SLC25A30: variants seen among roughly 807,000 people sequenced by gnomAD.
The protein encoded by SLC25A30 is kidney mitochondrial carrier protein 1.
In SLC25A30, 29 loss-of-function variants were observed where a neutral mutation model predicts 42.7. That is an observed-to-expected ratio of 0.68 (90% CI 0.51 to 0.93). The LOEUF (loss-of-function observed/expected upper bound fraction) is 0.93. Among genes scored for constraint, SLC25A30 ranks in the 40% least tolerant of loss-of-function variants. The pLI, the probability that SLC25A30 is intolerant of heterozygous loss-of-function variation, is 0.00. For missense variants in SLC25A30, 300 were observed against 359.7 expected (o/e 0.83, Z 1.34); for synonymous variants, 124 against 131.0 (o/e 0.95, Z 0.37).
At chr13:45,425,846 G>A in the SLC25A30 span, among the ~76,000 whole-genome samples, 584 of 145,344 alleles carry the variant, frequency 4.0e-3, 3 homozygotes, top group South Asian at 0.02. Context: ...GTGCCCGCCA[G>A]CATGCCCAGG....
chr13:45,400,017 TATATATATATATATATACACACAC>T (rs1881777715), intron 7 of SLC25A30, among the ~76,000 whole-genome samples: 1 of 95,978 alleles, frequency 1.0e-5, no homozygotes, highest in Non-Finnish European at 2.0e-5. Context: ...TGTATGATTA[TATATATATATATATATACACACAC>T]ACACACACAC....
chr13:45,431,267 G>A, the SLC25A30 span, among the ~76,000 whole-genome samples: 26,445 of 26,466 alleles, frequency 1, 13,212 homozygotes, highest in Middle Eastern at 1. Context: ...GGCTGGTCTC[G>A]AACTCCTAGC....
the SLC25A30 span, among the ~76,000 whole-genome samples, chr13:45,424,638 T>TAGAAATATATAG: frequency 2.8e-5 from 1 of 36,358 alleles, no homozygotes; most frequent in Non-Finnish European, 4.7e-5. Context: ...AATATGTATA[T>TAGAAATATATAG]AAACATAAAT....
At chr13:45,423,851 T>TATATATAA in the SLC25A30 span, among the ~76,000 whole-genome samples, 5 of 58,016 alleles carry the variant, frequency 8.6e-5, no homozygotes, top group Admixed American at 3.2e-4. Context: ...AATATGTAAA[T>TATATATAA]ATATATATAA....
intron 6 of SLC25A30, 44 bp from the exon 7 acceptor site, chr13:45,401,251 T>G (rs772411910): frequency 1.7e-5 from 28 of 1,601,114 alleles, no homozygotes; most frequent in Admixed American, 5.0e-5. Context: ...GATATGCCTC[T>G]GTAGAACAAG....
upstream of SLC25A30, among the ~76,000 whole-genome samples, chr13:45,419,951 A>C (rs550827936): frequency 1.4e-4 from 21 of 151,674 alleles, no homozygotes; most frequent in Non-Finnish European, 2.7e-4. Flanking sequence ...GCGCGAGAGA[A>C]AGAAAAGGAA....
chr13:45,423,793 AAT>A, the SLC25A30 span, among the ~76,000 whole-genome samples: 72 of 70,896 alleles, frequency 1.0e-3, 3 homozygotes, highest in African/African-American at 4.0e-3. Context: ...TAAATATATA[AAT>A]ATATATTTAT....
Position 45,395,542 on chromosome 13 carries a change from A to AT in SLC25A30, c.*431dup. 1 of 1,052,250 alleles carries AT rather than the reference A, an allele frequency of 9.5e-7. No individual in the cohort carries two copies. Among genetic ancestry groups the AT allele is most frequent in the Non-Finnish European group, 1.2e-6 (1 of 869,182 alleles). The allele number at this position is 1,052,250 out of a possible 1,614,324, so 65.2% of individuals were successfully genotyped here. On this transcript the variant is annotated 3_prime_UTR_variant, in exon 10 of 10. Coordinates refer to ENST00000519676, the MANE Select transcript of SLC25A30 (RefSeq NM_001010875.4). The stretch of plus-strand genomic sequence containing the variant: ...TGACAAGGAGCAAAATCTCCCAGAA[A>AT]TTCAGAAACCATAACACCTTCTCGG...
intron 7 of SLC25A30, 118 bp from the exon 8 acceptor site, chr13:45,399,196 GTGTTT>G (rs374329089): frequency 2.6e-4 from 298 of 1,143,764 alleles, no homozygotes; most frequent in Middle Eastern, 4.9e-4. Context: ...TGTGGTTTTC[GTGTTT>G]TGTTTTGTTT....
chr13:45,403,525 A>G (rs1339496008), intron 5 of SLC25A30, among the ~76,000 whole-genome samples: 2 of 152,088 alleles, frequency 1.3e-5, no homozygotes. Flanking sequence ...AGTTGCTTCC[A>G]AAAAAGGATT....
At chr13:45,419,130 T>TAAAAAAAAA (rs374462224), upstream of SLC25A30, among the ~76,000 whole-genome samples, 1 of 90,536 alleles carries the variant, frequency 1.1e-5, no homozygotes, top group Admixed American at 1.2e-4. Flanking sequence ...TACTCCCTCT[T>TAAAAAAAAA]AAAAAAAAAA....
upstream of SLC25A30, among the ~76,000 whole-genome samples, chr13:45,419,059 A>G (rs1414238261): frequency 6.3e-5 from 8 of 126,236 alleles, 1 homozygote; most frequent in African/African-American, 2.4e-4. Flanking sequence ...TGAACCCGGG[A>G]GGCGGAGGTT....
In SLC25A30 at chr13:45,402,293, C is replaced by A; in HGVS notation, c.471G>T (p.Gly157=). 1 of 1,613,728 alleles carries A rather than the reference C, an allele frequency of 6.2e-7. No individual in the cohort carries two copies. The highest frequency in any genetic ancestry group is 8.5e-7 in the Non-Finnish European group (1 of 1,179,650). The change falls in exon 6 of 10, where the codon GGG becomes GGT. Residue 157 remains glycine, a synonymous_variant. Transcript: ENST00000519676. ...GGCTTACCTTCCACAGTCCTCTTGT[C>A]CCCTCTTGCTGGTAAATGTTCATGA... ...GNFMNIYQQE[G]TRGLWKGVSL... is the part of the protein sequence containing the mutation.
At chr13:45,416,024 T>C (rs1292741032) in intron 1 of SLC25A30, among the ~76,000 whole-genome samples, 1 of 150,280 alleles carries the variant, frequency 6.7e-6, no homozygotes, top group Non-Finnish European at 1.5e-5. Flanking sequence ...GGTCTCGAAC[T>C]CCTGACCTTG....
chr13:45,396,673 A>G (rs564246219), intron 9 of SLC25A30: 1 of 154,878 alleles, frequency 6.5e-6, no homozygotes, highest in Non-Finnish European at 1.4e-5. Flanking sequence ...TCAGGAGGCC[A>G]AGGCAAGAGA....
chr13:45,410,669 G>A (rs1173527071), intron 2 of SLC25A30, among the ~76,000 whole-genome samples: 3 of 152,130 alleles, frequency 2.0e-5, no homozygotes, highest in East Asian at 1.9e-4. Flanking sequence ...AGAATTAGCC[G>A]GGCATGGTGG....
chr13:45,430,169 AAGTC>A, the SLC25A30 span, among the ~76,000 whole-genome samples: 1 of 152,114 alleles, frequency 6.6e-6, no homozygotes, highest in Non-Finnish European at 1.5e-5. Context: ...AACATTTACA[AAGTC>A]AGAGTAATTA....
chr13:45,394,742 A>G lies in SLC25A30; in HGVS notation c.*1232T>C. ...TGACTTATTGTGTCTACAGAAGGAA[A>G]GAAAAAGGGAAAATATTACATACCA... is the stretch of plus-strand genomic sequence containing the variant. On this transcript the variant is annotated 3_prime_UTR_variant, in exon 10 of 10. Coordinates refer to ENST00000519676, the MANE Select transcript of SLC25A30 (RefSeq NM_001010875.4). 1.0e-6 allele frequency: 1 copy of G among 985,316 alleles called. No individual in the cohort carries two copies. Among genetic ancestry groups the G allele is most frequent in the Non-Finnish European group, 1.2e-6 (1 of 829,784 alleles). 61.0% of individuals were successfully genotyped at this position (985,316 alleles called of 1,614,324 possible).
intron 2 of SLC25A30, among the ~76,000 whole-genome samples, chr13:45,409,592 T>A (rs1882829447): frequency 6.6e-6 from 1 of 152,120 alleles, no homozygotes; most frequent in Admixed American, 6.5e-5. Context: ...GCGGATCACC[T>A]GAGGTTAGGA....
Sources: allele counts gnomAD v4.1 joint callset (sites outside exome capture counted in the v4.1 genomes callset), GRCh38; gene constraint gnomAD v4.1.1; transcripts MANE v1.5; gene names NCBI Gene and HGNC (gene_info 2026-07-23, HGNC 2026-07-21).